Variants in CEP104 observed in about 807,000 individuals in gnomAD.
CEP104 encodes the protein centrosomal protein of 104 kDa.
In CEP104, 84 loss-of-function variants were observed where a neutral mutation model predicts 113.3. The ratio of observed to expected loss-of-function variants is 0.74; its 90% CI spans 0.62 to 0.89. The LOEUF (loss-of-function observed/expected upper bound fraction) is 0.89. Ranked by LOEUF, CEP104 falls within the 40% of genes least tolerant of loss-of-function variation. The pLI, the probability that CEP104 is intolerant of heterozygous loss-of-function variation, is 0.00. For missense variants in CEP104, 1,053 were observed against 1,156.6 expected (o/e 0.91, Z 1.30); for synonymous variants, 378 against 421.7 (o/e 0.90, Z 1.27).
At chr1:3,827,983 C>T (rs947098552) in intron 15 of CEP104, among the ~76,000 whole-genome samples, 3 of 152,188 alleles carry the variant, frequency 2.0e-5, no homozygotes, top group Admixed American at 6.5e-5. Flanking sequence ...GCTCTCAGGA[C>T]AGCTGTGTGG....
rs1557677920 is a variant in CEP104, at chr1:3,836,481, T to TTG, written c.1317+13_1317+14insCA. 2.7e-6 allele frequency: 4 copies of TTG among 1,481,120 alleles called. No homozygotes were observed. The highest frequency in any genetic ancestry group is 3.6e-6 in the Non-Finnish European group (4 of 1,124,280). 91.7% of individuals were successfully genotyped at this position (1,481,120 alleles called of 1,614,324 possible). A position where few individuals can be genotyped will look rare whatever the true frequency, so the allele number is the denominator to read the frequency against. ...CTCTGCCACCCCGTTTTTTTTTTTT[T>TTG]TTTTTTTTTTTACCAAGGTTTCTCC... On this transcript the variant is annotated intron_variant, in intron 10 of 21. Coordinates refer to ENST00000378230, the MANE Select transcript of CEP104 (RefSeq NM_014704.4).
chr1:3,835,134 T>C (rs991358279), intron 10 of CEP104, 42 bp from the exon 11 acceptor site: 2 of 1,564,944 alleles, frequency 1.3e-6, no homozygotes, highest in African/African-American at 1.4e-5. Flanking sequence ...CACACAACCA[T>C]CCTCCAACAC....
intron 6 of CEP104, among the ~76,000 whole-genome samples, chr1:3,844,319 G>A (rs1644467041): frequency 6.6e-6 from 1 of 152,066 alleles, no homozygotes; most frequent in Non-Finnish European, 1.5e-5. Flanking sequence ...AATAAATGAA[G>A]GTGTGTGGCT....
intron 20 of CEP104, 85 bp from the exon 21 acceptor site, chr1:3,816,455 A>G (rs1311501704): frequency 8.5e-6 from 10 of 1,182,546 alleles, no homozygotes; most frequent in Non-Finnish European, 1.1e-5. Context: ...TCGCTGTGTA[A>G]GCTGAAAACG....
At position 3,815,175 on chromosome 1, in the gene CEP104, T is replaced by G. The variant is rs1181585659; in HGVS notation, c.*227A>C. 5.5e-6 allele frequency: 3 copies of G among 549,720 alleles called. No homozygotes were observed. The East Asian group carries it at 9.6e-5, about 18-fold the overall frequency. The allele number at this position is 549,720 out of a possible 1,614,324, so 34.1% of individuals were successfully genotyped here. A position where few individuals can be genotyped will look rare whatever the true frequency, so the allele number is the denominator to read the frequency against. The stretch of plus-strand genomic sequence containing the variant: ...CTGAGACAGCCCTGAAGGCTTAATG[T>G]ACAGTGCGGCCAGGTCCTGGCACTG... On this transcript the variant is annotated 3_prime_UTR_variant, in exon 22 of 22. Coordinates refer to ENST00000378230, the MANE Select transcript of CEP104 (RefSeq NM_014704.4).
In CEP104 at chr1:3,812,802, T is replaced by G. The variant is rs549594711; in HGVS notation, c.*2600A>C. 1 of 152,118 alleles carries G rather than the reference T, an allele frequency of 6.6e-6. No homozygotes were observed. The highest frequency in any genetic ancestry group is 2.4e-5 in the African/African-American group (1 of 41,410). 9.4% of individuals were successfully genotyped at this position (152,118 alleles called of 1,614,324 possible). A position where few individuals can be genotyped will look rare whatever the true frequency, so the allele number is the denominator to read the frequency against. ...TTGCAGGGGGCCAAGATCGCGCCAC[T>G]GCACTCCAGCCTAGGCAACAGAGCA... On this transcript the variant is annotated 3_prime_UTR_variant, in exon 22 of 22. Coordinates refer to ENST00000378230, the MANE Select transcript of CEP104 (RefSeq NM_014704.4).
intron 1 of CEP104, among the ~76,000 whole-genome samples, chr1:3,855,351 T>C (rs1644696591): frequency 1.4e-5 from 1 of 69,080 alleles, no homozygotes; most frequent in Non-Finnish European, 4.7e-5. Context: ...ACAGCTACTT[T>C]TTTTTTTTTT....
At chr1:3,856,694 G>A (rs978559669) in intron 1 of CEP104, among the ~76,000 whole-genome samples, 195 bp downstream of exon 1, 1 of 152,140 alleles carries the variant, frequency 6.6e-6, no homozygotes, top group Non-Finnish European at 1.5e-5. Context: ...CATACGGCAC[G>A]ACGGGGCCGC....
chr1:3,823,306 C>A lies in CEP104; in HGVS notation c.2504-65G>T. On this transcript the variant is annotated intron_variant, in intron 19 of 21. Transcript: ENST00000378230. The surrounding 1 kb of genome is among the most constrained non-coding windows in gnomAD (Gnocchi z 4.1). ...ACAGGCGACAAGACATGCTGCTGGC[C>A]TGCCCGCAGGTGCCCTTTAATTCAC... 1 of 1,605,304 alleles carries A rather than the reference C, an allele frequency of 6.2e-7. No homozygotes were observed. The highest frequency in any genetic ancestry group is 1.1e-5 in the South Asian group (1 of 90,900).
At chr1:3,831,471 G>A (rs1198103206) in intron 12 of CEP104, among the ~76,000 whole-genome samples, 1 of 152,200 alleles carries the variant, frequency 6.6e-6, no homozygotes, top group Non-Finnish European at 1.5e-5. Context: ...TATGTCTACT[G>A]AAAGCTTTTC....
chr1:3,844,779 A>G (rs1359815241), intron 6 of CEP104, 128 bp downstream of exon 6: 2 of 627,132 alleles, frequency 3.2e-6, no homozygotes, highest in Non-Finnish European at 5.6e-6. Context: ...AGACAATCCA[A>G]TCAGTGGCTT....
chr1:3,852,566 T>C (rs1570859800), intron 1 of CEP104, 145 bp from the exon 2 acceptor site: 2 of 647,282 alleles, frequency 3.1e-6, no homozygotes, highest in African/African-American at 1.9e-5. Context: ...AAAGAGTCTA[T>C]TTTTTTTTGT....
At chr1:3,837,138 C>G (rs548772688) in intron 9 of CEP104, 154 bp downstream of exon 9, 1 of 628,092 alleles carries the variant, frequency 1.6e-6, no homozygotes, top group South Asian at 2.0e-5. Context: ...TGGCTATGCT[C>G]TCACTCAGCA....
intron 15 of CEP104, among the ~76,000 whole-genome samples, chr1:3,828,588 T>C (rs908940230): frequency 6.6e-6 from 1 of 152,224 alleles, no homozygotes; most frequent in Non-Finnish European, 1.5e-5. Flanking sequence ...CCACGTGGGC[T>C]GCAGGCCTGA....
At chr1:3,816,395 T>C (rs1258880346) in intron 20 of CEP104, 25 bp from the exon 21 acceptor site, 1 of 1,537,696 alleles carries the variant, frequency 6.5e-7, no homozygotes, top group Admixed American at 2.0e-5. Flanking sequence ...GCACACAGAG[T>C]GTTAATCAGG....
intron 20 of CEP104, among the ~76,000 whole-genome samples, chr1:3,817,034 A>G (rs576116579): frequency 6.6e-6 from 1 of 152,314 alleles, no homozygotes; most frequent in East Asian, 1.9e-4. Flanking sequence ...CCTTCTATTT[A>G]AACAACACTC....
chr1:3,850,229 A>G (rs1644585282), intron 2 of CEP104, among the ~76,000 whole-genome samples: 1 of 152,250 alleles, frequency 6.6e-6, no homozygotes. Flanking sequence ...AGGGCCTATG[A>G]TTTAGCTACT....
intron 2 of CEP104, among the ~76,000 whole-genome samples, chr1:3,850,287 A>C (rs1354231215): frequency 2.0e-5 from 3 of 152,250 alleles, no homozygotes; most frequent in African/African-American, 7.2e-5. Context: ...AATACCTTTC[A>C]AGCTGCATAT....
intron 1 of CEP104, 66 bp from the exon 2 acceptor site, chr1:3,852,487 G>A (rs970153002): frequency 1.4e-6 from 2 of 1,469,562 alleles, no homozygotes; most frequent in African/African-American, 2.8e-5. Flanking sequence ...GACATTTAAA[G>A]GGTTGGTTCA....
Sources: allele counts gnomAD v4.1 joint callset (sites outside exome capture counted in the v4.1 genomes callset), GRCh38; gene constraint gnomAD v4.1.1; non-coding constraint Gnocchi (gnomAD v3.1); transcripts MANE v1.5; gene names NCBI Gene and HGNC (gene_info 2026-07-23, HGNC 2026-07-21).